The following SS18L2 variants were observed in gnomAD, a reference collection of about 807,000 sequenced individuals.
SS18L2 encodes SS18 like 2, also known as SS18-like protein 2.
In SS18L2, 8 loss-of-function variants were observed where a neutral mutation model predicts 10.3. That is an observed-to-expected ratio of 0.78 (90% CI 0.46 to 1.41). The LOEUF is 1.41. SS18L2 is among the 40% of genes most tolerant of loss of function. The pLI is 0.00. For missense variants in SS18L2, 100 were observed against 96.2 expected (o/e 1.04, Z -0.17); for synonymous variants, 41 against 34.6 (o/e 1.19, Z -0.65).
chr3:42,587,930 G>A (rs1704676342), upstream of SS18L2, among the ~76,000 whole-genome samples: 1 of 151,782 alleles, frequency 6.6e-6, no homozygotes, highest in Non-Finnish European at 1.5e-5. Context: ...AAAATTAGCT[G>A]GGCGTGGTGG....
intron 1 of SS18L2, among the ~76,000 whole-genome samples, chr3:42,583,619 T>C (rs1350694208): frequency 1.3e-5 from 2 of 152,166 alleles, no homozygotes; most frequent in African/African-American, 2.4e-5. Context: ...TGGGGGAACA[T>C]TACTTCTGGG....
At chr3:42,587,798 T>C (rs1047982071), upstream of SS18L2, among the ~76,000 whole-genome samples, 2 of 150,706 alleles carry the variant, frequency 1.3e-5, no homozygotes, top group Non-Finnish European at 3.0e-5. Flanking sequence ...TAGGCCAGGC[T>C]CTGTGGCTCA....
upstream of SS18L2, among the ~76,000 whole-genome samples, chr3:42,588,916 G>A (rs904516374): frequency 2.6e-5 from 4 of 152,166 alleles, no homozygotes; most frequent in Admixed American, 6.5e-5. Context: ...CCCTGAGTCC[G>A]CCCCAGCTCA....
At chr3:42,589,936 G>T (rs952781024), upstream of SS18L2, among the ~76,000 whole-genome samples, 1 of 152,190 alleles carries the variant, frequency 6.6e-6, no homozygotes, top group Non-Finnish European at 1.5e-5. Flanking sequence ...CAACACCTTT[G>T]CGGTATGGTG....
intron 2 of SS18L2, among the ~76,000 whole-genome samples, chr3:42,591,831 A>G (rs1704858926): frequency 6.6e-6 from 1 of 152,190 alleles, no homozygotes; most frequent in Non-Finnish European, 1.5e-5. Context: ...AATTATTCTC[A>G]CTGCAAAGCC....
At chr3:42,588,331 G>A (rs1219122068), upstream of SS18L2, among the ~76,000 whole-genome samples, 1 of 152,040 alleles carries the variant, frequency 6.6e-6, no homozygotes, top group Non-Finnish European at 1.5e-5. Context: ...CTTGAACCTG[G>A]GAGGTGGAGG....
chr3:42,594,264 A>G (rs1486858633), intron 2 of SS18L2, among the ~76,000 whole-genome samples, 158 bp from the exon 3 acceptor site: 1 of 152,228 alleles, frequency 6.6e-6, no homozygotes, highest in Non-Finnish European at 1.5e-5. Context: ...GAATCTGACT[A>G]TATTTTCCTT....
chr3:42,592,057 CA>C (rs1704870515), intron 2 of SS18L2, among the ~76,000 whole-genome samples: 1 of 152,116 alleles, frequency 6.6e-6, no homozygotes, highest in Non-Finnish European at 1.5e-5. Context: ...CACACAAAGA[CA>C]AACAAAGGAT....
upstream of SS18L2, among the ~76,000 whole-genome samples, chr3:42,586,348 A>G (rs1373999501): frequency 6.6e-6 from 1 of 152,020 alleles, no homozygotes; most frequent in African/African-American, 2.4e-5. Flanking sequence ...TCAGCCTCCC[A>G]AGTAGCTGGG....
intron 1 of SS18L2, chr3:42,591,201 C>CATT: frequency 4.1e-6 from 2 of 487,888 alleles, no homozygotes; most frequent in Non-Finnish European, 7.1e-6. Context: ...CCTTTCTCTC[C>CATT]TTTTTTTTTT....
chr3:42,586,894 C>T (rs566551715), upstream of SS18L2, among the ~76,000 whole-genome samples: 2 of 152,308 alleles, frequency 1.3e-5, no homozygotes, highest in South Asian at 4.1e-4. Context: ...ACCTTCATTT[C>T]CATTCCAGCA....
chr3:42,591,794 C>T (rs759043682), intron 2 of SS18L2, among the ~76,000 whole-genome samples, 193 bp downstream of exon 2: 1 of 152,202 alleles, frequency 6.6e-6, no homozygotes, highest in Non-Finnish European at 1.5e-5. Context: ...AGCCTGGAGT[C>T]AGACGTGGCT....
Position 42,590,876 on chromosome 3 carries a change from G to T in SS18L2, c.-22G>T. On this transcript the variant is annotated 5_prime_UTR_variant, in exon 1 of 3. Coordinates refer to ENST00000011691, the MANE Select transcript of SS18L2 (RefSeq NM_001370300.1). ...TCGTGGGTCGAGTTGCTTGGCGGTC[G>T]TGGTTCCGGAGGTTCCTCGGGATGT... 5 of 1,613,712 alleles carry T rather than the reference G, an allele frequency of 3.1e-6. No homozygotes were observed. Among genetic ancestry groups the T allele is most frequent in the Non-Finnish European group, 4.2e-6 (5 of 1,179,708 alleles).
upstream of SS18L2, among the ~76,000 whole-genome samples, chr3:42,586,108 C>A (rs1214616510): frequency 6.6e-6 from 1 of 152,226 alleles, no homozygotes; most frequent in Admixed American, 6.5e-5. Context: ...TATATGTGAA[C>A]ACTCCATTGC....
At position 42,596,644 on chromosome 3, in the gene SS18L2, A is replaced by T. The variant is rs560114502; in HGVS notation, c.*2135A>T. Among the ~76,000 whole-genome samples, 10 of 152,352 alleles carry T rather than the reference A, an allele frequency of 6.6e-5. No individual in the cohort carries two copies. The highest frequency in any genetic ancestry group is 1.9e-4 in the African/African-American group (8 of 41,586). ...CCAGGAGTTTCTTCACCTTAATCAC[A>T]GACCAAATTGCATACTTTTATCTTC... On this transcript the variant is annotated 3_prime_UTR_variant, in exon 3 of 3. Coordinates refer to ENST00000011691, the MANE Select transcript of SS18L2 (RefSeq NM_001370300.1).
chr3:42,591,201 C>T (rs3901196), intron 1 of SS18L2: 44 of 489,006 alleles, frequency 9.0e-5, no homozygotes, highest in East Asian at 6.5e-4. Context: ...CCTTTCTCTC[C>T]TTTTTTTTTT....
chr3:42,589,928 A>C (rs587712), upstream of SS18L2, among the ~76,000 whole-genome samples: 69,217 of 152,026 alleles, frequency 0.46, 18,492 homozygotes, highest in African/African-American at 0.74. Flanking sequence ...TTGCGGCACA[A>C]CACCTTTGCG....
intron 2 of SS18L2, among the ~76,000 whole-genome samples, chr3:42,593,035 A>T (rs1384854626): frequency 6.6e-6 from 1 of 151,968 alleles, no homozygotes; most frequent in African/African-American, 2.4e-5. Context: ...ACACAACAAT[A>T]AAAAAAATAC....
chr3:42,593,536 G>C (rs1379424180), intron 2 of SS18L2, among the ~76,000 whole-genome samples: 1 of 152,106 alleles, frequency 6.6e-6, no homozygotes, highest in East Asian at 1.9e-4. Flanking sequence ...ATATCTAAGG[G>C]GAGGAGGGAG....
Sources: gnomAD v4.1 joint callset for allele counts (sites outside exome capture counted in the v4.1 genomes callset) on GRCh38, gnomAD v4.1.1 for gene constraint, MANE v1.5 for transcripts, NCBI Gene and HGNC (gene_info 2026-07-23, HGNC 2026-07-21) for gene names.